Variants in PDE11A observed in about 807,000 individuals in gnomAD.
PDE11A encodes the protein phosphodiesterase 11A.
Under a neutral mutation model 100.5 loss-of-function variants are expected in PDE11A, and 100 were observed. The ratio of observed to expected loss-of-function variants is 1.00; its 90% confidence interval spans 0.85 to 1.18. The LOEUF (loss-of-function observed/expected upper bound fraction) is 1.18, where lower values mean the gene tolerates loss of function less well. Ranked by LOEUF, PDE11A falls within the 50% of genes most tolerant of loss-of-function variation. The pLI is 0.00. For missense variants in PDE11A, 1,141 were observed against 1,152.6 expected, an observed-to-expected ratio of 0.99 and a Z score of 0.15; for synonymous variants, 381 against 420.8, an observed-to-expected ratio of 0.91 and a Z score of 1.16.
At chr2:178,085,547 A>AT (rs1396878003) in intron 2 of PDE11A, among the ~76,000 whole-genome samples, 4 of 152,086 alleles carry the variant, frequency 2.6e-5, no homozygotes, top group African/African-American at 4.8e-5. Context: ...AATAAAAAAA[A>AT]AAATAAACCT....
At chr2:177,734,725 C>T (rs2081747323) in intron 10 of PDE11A, among the ~76,000 whole-genome samples, 1 of 152,156 alleles carries the variant, frequency 6.6e-6, no homozygotes, top group Non-Finnish European at 1.5e-5. Context: ...TGTTGCATGG[C>T]TGTTGTGAGG....
At chr2:177,840,545 T>C (rs527487912) in intron 5 of PDE11A, among the ~76,000 whole-genome samples, 162 bp from the exon 6 acceptor site, 4 of 152,304 alleles carry the variant, frequency 2.6e-5, no homozygotes, top group Non-Finnish European at 5.9e-5. Context: ...CAGTAGCTAC[T>C]TCGAAATGAC....
chr2:177,873,636 G>A (rs2084182149), intron 5 of PDE11A, among the ~76,000 whole-genome samples: 1 of 152,030 alleles, frequency 6.6e-6, no homozygotes, highest in Non-Finnish European at 1.5e-5. Flanking sequence ...ACACAGCGTG[G>A]TTCCATCACA....
At chr2:178,103,286 A>AT (rs1422026873) in intron 2 of PDE11A, among the ~76,000 whole-genome samples, 2 of 152,190 alleles carry the variant, frequency 1.3e-5, no homozygotes, top group Non-Finnish European at 2.9e-5. Flanking sequence ...CACATATTAT[A>AT]TGATTCCTTT....
Position 177,769,365 on chromosome 2 carries a change from T to C in PDE11A, c.1746A>G (p.Ser582=), listed in dbSNP as rs2082279299. The change falls in exon 10 of 20, where the codon TCA becomes TCG. Residue 582 remains serine, a synonymous_variant. Coordinates refer to ENST00000286063, the MANE Select transcript of PDE11A (RefSeq NM_016953.4). Reference sequence around the variant, plus strand: ...CAGCTTTTGAACATGTTGCATGGTATGATAGCACCTGATTCAGAAGAAAAA... The same window carrying C: ...CAGCTTTTGAACATGTTGCATGGTACGATAGCACCTGATTCAGAAGAAAAA... ...AKQSVALDVL[S]YHATCSKAEV... The C allele has an allele frequency of 6.3e-7, 1 of 1,575,184 alleles. No homozygotes were observed. The highest frequency in any genetic ancestry group is 1.7e-5 in the Admixed American group (1 of 59,964).
chr2:178,040,061 C>CTT (rs5836641), intron 1 of PDE11A, among the ~76,000 whole-genome samples: 1,620 of 109,654 alleles, frequency 0.015, 37 homozygotes, highest in African/African-American at 0.021. Context: ...AATGTAGTGG[C>CTT]TTTTTTTTTT....
At chr2:177,732,938 TCAAGGGCA>T (rs2081715033) in intron 10 of PDE11A, among the ~76,000 whole-genome samples, 1 of 152,196 alleles carries the variant, frequency 6.6e-6, no homozygotes, top group Non-Finnish European at 1.5e-5. Context: ...ATTGCTGGGT[TCAAGGGCA>T]GGTTCTGGAG....
At chr2:178,034,614 C>T (rs1001394884) in intron 1 of PDE11A, among the ~76,000 whole-genome samples, 1 of 152,170 alleles carries the variant, frequency 6.6e-6, no homozygotes, top group African/African-American at 2.4e-5. Context: ...AAATTGATCA[C>T]ATAGTTGGAA....
In PDE11A at chr2:177,990,764, C is replaced by T. The variant is rs920448394; in HGVS notation, c.1071+23538G>A. 3.9e-4 allele frequency among the ~76,000 whole-genome samples: 51 copies of T among 132,338 alleles called. 1 individual carries two copies. The highest frequency in any genetic ancestry group is 5.6e-4 in the Non-Finnish European group (35 of 62,368). The allele number at this position is 132,338 out of a possible 152,430, so 86.8% of individuals were successfully genotyped here. A position where few individuals can be genotyped will look rare whatever the true frequency, so the allele number is the denominator to read the frequency against. On this transcript the variant is annotated intron_variant, in intron 2 of 19. Coordinates refer to ENST00000286063, the MANE Select transcript of PDE11A (RefSeq NM_016953.4). ...AAAAAAAAAAAAAGGAAAAAAAAGG[C>T]GGAGGGTAGCGTGGTGGCTCATGCC...
chr2:177,924,045 C>CTAAAGTGTAATTTATTATT (rs1262144412), intron 2 of PDE11A, among the ~76,000 whole-genome samples: 1 of 152,216 alleles, frequency 6.6e-6, no homozygotes, highest in Admixed American at 6.5e-5. Flanking sequence ...CTGCTTTACT[C>CTAAAGTGTAATTTATTATT]TAAAGTGTAA....
chr2:178,081,892 G>T (rs1002968094), intron 2 of PDE11A, among the ~76,000 whole-genome samples: 1 of 152,224 alleles, frequency 6.6e-6, no homozygotes, highest in Admixed American at 6.5e-5. Context: ...TTCTGCAATA[G>T]AACTCATACT....
chr2:178,007,218 CT>C (rs1466433380), intron 2 of PDE11A, among the ~76,000 whole-genome samples: 2 of 152,176 alleles, frequency 1.3e-5, no homozygotes, highest in Non-Finnish European at 2.9e-5. Flanking sequence ...TTAATGGTCT[CT>C]GTTTTCAATA....
At chr2:178,102,176 G>A (rs542732598) in intron 2 of PDE11A, among the ~76,000 whole-genome samples, 203 of 151,982 alleles carry the variant, frequency 1.3e-3, no homozygotes, top group Non-Finnish European at 2.1e-3. Flanking sequence ...GCCCCAGCTG[G>A]AGTGCAGTGG....
chr2:177,713,980 CTTTTTTCTTTTTTTTTTTTTT>C (rs2081395129), intron 12 of PDE11A, among the ~76,000 whole-genome samples: 1 of 77,842 alleles, frequency 1.3e-5, no homozygotes, highest in African/African-American at 3.8e-5. Context: ...TATTTCTTTT[CTTTTTTCTTTTTTTTTTTTTT>C]TTTTTTTTTT....
intron 9 of PDE11A, among the ~76,000 whole-genome samples, chr2:177,778,400 T>C (rs2082407738): frequency 6.6e-6 from 1 of 152,120 alleles, no homozygotes; most frequent in East Asian, 1.9e-4. Flanking sequence ...GAAACACAAA[T>C]GTAAAGAAGC....
At chr2:177,674,144 C>T (rs1293037471) in intron 17 of PDE11A, among the ~76,000 whole-genome samples, 1 of 152,218 alleles carries the variant, frequency 6.6e-6, no homozygotes, top group African/African-American at 2.4e-5. Context: ...GGAGCCTAAT[C>T]TGCTAGAATC....
chr2:177,685,512 G>C (rs576985814), intron 15 of PDE11A, among the ~76,000 whole-genome samples: 31 of 152,248 alleles, frequency 2.0e-4, no homozygotes, highest in African/African-American at 6.7e-4. Context: ...TGTTCCCTGT[G>C]TGACTAACTC....
intron 15 of PDE11A, among the ~76,000 whole-genome samples, chr2:177,694,839 T>C (rs1260704681): frequency 6.6e-6 from 1 of 152,184 alleles, no homozygotes; most frequent in East Asian, 1.9e-4. Context: ...TATCATGTTC[T>C]TAATTTTTGA....
intron 9 of PDE11A, among the ~76,000 whole-genome samples, chr2:177,811,774 A>G (rs1000911588): frequency 6.6e-6 from 1 of 152,094 alleles, no homozygotes; most frequent in Admixed American, 6.6e-5. Flanking sequence ...AGATACATGT[A>G]TAGTAACACA....
Sources: allele counts gnomAD v4.1 joint callset (sites outside exome capture counted in the v4.1 genomes callset), GRCh38; gene constraint gnomAD v4.1.1; transcripts MANE v1.5; gene names NCBI Gene and HGNC (gene_info 2026-07-23, HGNC 2026-07-21).